OMA1: variants seen among roughly 807,000 people sequenced by gnomAD.
OMA1 encodes the protein metalloendopeptidase OMA1, mitochondrial.
In OMA1, 38 loss-of-function variants were observed where a neutral mutation model predicts 30.9. That is an observed-to-expected ratio of 1.23 (90% CI 0.95 to 1.61). OMA1 has a LOEUF of 1.61. OMA1 is among the 40% of genes most tolerant of loss of function. The pLI, the probability that OMA1 is intolerant of heterozygous loss-of-function variation, is 0.00. For synonymous variants in OMA1, 173 were observed against 121.9 expected, an observed-to-expected ratio of 1.42 and a Z score of -2.76; for missense variants, 461 against 349.2, an observed-to-expected ratio of 1.32 and a Z score of -2.55.
Position 58,503,211 on chromosome 1 carries a change from A to G in OMA1, c.1365+2849T>C, listed in dbSNP as rs540030065. Among the ~76,000 whole-genome samples, 8 of 152,326 alleles carry G rather than the reference A, an allele frequency of 5.3e-5. No individual in the cohort carries two copies. In the South Asian group the frequency reaches 1.7e-3, roughly 32 times the overall value. ...AAAATAAAAAGAAAAAAAATTCAAG[A>G]GAAAATCATATTGTTATCATTGCTT... On this transcript the variant is annotated intron_variant, in intron 8 of 8. Transcript: ENST00000371226.
intron 8 of OMA1, among the ~76,000 whole-genome samples, chr1:58,487,796 C>A (rs1645602045): frequency 6.6e-6 from 1 of 152,162 alleles, no homozygotes; most frequent in Non-Finnish European, 1.5e-5. Context: ...CCCCCCTCAA[C>A]ACACATATAC....
intron 6 of OMA1, among the ~76,000 whole-genome samples, chr1:58,528,034 G>A (rs1307801277): frequency 1.3e-5 from 2 of 152,298 alleles, no homozygotes; most frequent in African/African-American, 4.8e-5. Flanking sequence ...TATTAATTGG[G>A]GAAGCAATCT....
intron 8 of OMA1, among the ~76,000 whole-genome samples, chr1:58,500,906 A>C (rs981682255): frequency 6.6e-6 from 1 of 152,206 alleles, no homozygotes; most frequent in Non-Finnish European, 1.5e-5. Flanking sequence ...TCTTCATAGA[A>C]AAAAGTTAAA....
intron 1 of OMA1, among the ~76,000 whole-genome samples, chr1:58,542,253 A>G (rs1249900179): frequency 6.6e-6 from 1 of 152,198 alleles, no homozygotes; most frequent in East Asian, 1.9e-4. Context: ...CTTTGTTTTT[A>G]CTTTTTTGAA....
At chr1:58,511,930 A>G (rs1053860583) in intron 7 of OMA1, among the ~76,000 whole-genome samples, 1 of 152,186 alleles carries the variant, frequency 6.6e-6, no homozygotes, top group African/African-American at 2.4e-5. Context: ...TGGAACTACC[A>G]AAAAGCTCTG....
Position 58,545,177 on chromosome 1 carries a change from A to G in OMA1, c.-17+1526T>C, listed in dbSNP as rs76860912. Among the ~76,000 whole-genome samples the G allele has an allele frequency of 6.0e-3, 919 of 152,242 alleles. 11 individuals are homozygous for G. Among genetic ancestry groups the G allele is most frequent in the African/African-American group, 0.021 (884 of 41,530 alleles). The stretch of plus-strand genomic sequence containing the variant: ...CTGATTTACTTACACCCCACAGAAA[A>G]AGAAAGCTCTCATCTCTATGTCTAT... On this transcript the variant is annotated intron_variant, in intron 1 of 8. Transcript: ENST00000371226.
In OMA1 at chr1:58,518,349, A is replaced by AGAAGG. The variant is rs757786615; in HGVS notation, c.1215+8907_1215+8911dup. Among the ~76,000 whole-genome samples, 437 of 59,726 alleles carry AGAAGG rather than the reference A, an allele frequency of 7.3e-3. 44 individuals are homozygous for AGAAGG. Among genetic ancestry groups the AGAAGG allele is most frequent in the African/African-American group, 0.024 (371 of 15,404 alleles). 39.2% of individuals were successfully genotyped at this position (59,726 alleles called of 152,430 possible). A position where few individuals can be genotyped will look rare whatever the true frequency, so the allele number is the denominator to read the frequency against. The stretch of plus-strand genomic sequence containing the variant: ...AGAAGAGAAGAGAAGAGAAGAGAAG[A>AGAAGG]GAAGGGAAGGGAAGAGAAGAGAAGG... On this transcript the variant is annotated intron_variant, in intron 7 of 8. Coordinates refer to ENST00000371226, the MANE Select transcript of OMA1 (RefSeq NM_145243.5).
At chr1:58,497,779 G>C (rs1024331231) in intron 8 of OMA1, among the ~76,000 whole-genome samples, 4 of 152,114 alleles carry the variant, frequency 2.6e-5, no homozygotes, top group African/African-American at 7.2e-5. Flanking sequence ...CCTTACCCTT[G>C]CTCACTGCTT....
chr1:58,543,459 T>C (rs761413441), intron 1 of OMA1, among the ~76,000 whole-genome samples: 3 of 152,148 alleles, frequency 2.0e-5, no homozygotes, highest in Admixed American at 6.5e-5. Flanking sequence ...ACCTCCTTCT[T>C]ATCTCATTCT....
At chr1:58,505,237 A>C (rs1017680387) in intron 8 of OMA1, among the ~76,000 whole-genome samples, 3 of 152,158 alleles carry the variant, frequency 2.0e-5, no homozygotes, top group African/African-American at 7.2e-5. Flanking sequence ...CAGGCATGAG[A>C]AAGATACTTC....
At position 58,538,730 on chromosome 1, in the gene OMA1, C is replaced by T. The variant is rs182007350; in HGVS notation, c.500+65G>A. The T allele has an allele frequency of 1.2e-3, 785 of 679,096 alleles. 3 individuals carry two copies. The highest frequency in any genetic ancestry group is 4.0e-3 in the African/African-American group (224 of 55,692). 42.1% of individuals were successfully genotyped at this position (679,096 alleles called of 1,614,324 possible). A position where few individuals can be genotyped will look rare whatever the true frequency, so the allele number is the denominator to read the frequency against. On this transcript the variant is annotated intron_variant, in intron 2 of 8. Transcript: ENST00000371226. ...AAAAATTAATTTCTAAAAGTTAATA[C>T]GTTAGCACAAAATATTAATGCAAAA...
rs1646522547 is a variant in OMA1, at chr1:58,536,746, A to C, written c.501-5T>G. ...TGCCACCATTTCCTTATGCCCCTAA[A>C]GCAAAAAGAAAAATTCAAAGTTCTG... On this transcript the variant is annotated splice_polypyrimidine_tract_variant and splice_region_variant and intron_variant, in intron 2 of 8. Transcript: ENST00000371226. The C allele has an allele frequency of 2.3e-6, 2 of 867,252 alleles. No homozygotes were observed. The highest frequency in any genetic ancestry group is 4.0e-6 in the Non-Finnish European group (2 of 499,948). 53.7% of individuals were successfully genotyped at this position (867,252 alleles called of 1,614,324 possible). A position where few individuals can be genotyped will look rare whatever the true frequency, so the allele number is the denominator to read the frequency against.
intron 8 of OMA1, among the ~76,000 whole-genome samples, chr1:58,486,563 C>T (rs1442808442): frequency 2.0e-5 from 3 of 152,172 alleles, no homozygotes; most frequent in East Asian, 1.9e-4. Context: ...ATTCACTAAT[C>T]ATCTCAACTT....
chr1:58,542,966 AG>A (rs1488207142), intron 1 of OMA1, among the ~76,000 whole-genome samples: 1 of 142,244 alleles, frequency 7.0e-6, no homozygotes, highest in African/African-American at 2.6e-5. Flanking sequence ...TATGAAAGCA[AG>A]AACTACAAAC....
intron 6 of OMA1, 63 bp from the exon 7 acceptor site, chr1:58,527,398 CAG>C (rs1421093224): frequency 2.0e-5 from 16 of 811,064 alleles, no homozygotes; most frequent in Middle Eastern, 2.3e-4. Context: ...AGGAGTAACA[CAG>C]AGAGATTTTT....
intron 8 of OMA1, among the ~76,000 whole-genome samples, chr1:58,488,653 T>C (rs1330465812): frequency 2.0e-5 from 3 of 152,200 alleles, no homozygotes; most frequent in African/African-American, 7.2e-5. Flanking sequence ...GGTTTCTCCA[T>C]GTTGGTCAGG....
intron 2 of OMA1, among the ~76,000 whole-genome samples, 171 bp from the exon 3 acceptor site, chr1:58,536,912 AAT>A (rs1359672016): frequency 6.6e-6 from 1 of 152,182 alleles, no homozygotes; most frequent in Non-Finnish European, 1.5e-5. Context: ...ATGATGAAAA[AAT>A]AATCAATGAT....
chr1:58,502,196 A>G (rs947420723), intron 8 of OMA1, among the ~76,000 whole-genome samples: 2 of 152,242 alleles, frequency 1.3e-5, no homozygotes, highest in Admixed American at 1.3e-4. Flanking sequence ...TCAATAAGCT[A>G]AAGTTTAAAA....
rs1192423494 is a variant in OMA1 at position 58,518,284 on chromosome 1, A to G, written c.1215+8977T>C. Among the ~76,000 whole-genome samples, 75 of 13,060 alleles carry G rather than the reference A, an allele frequency of 5.7e-3. 9 individuals are homozygous for G. Among genetic ancestry groups the G allele is most frequent in the Middle Eastern group, 0.071 (2 of 28 alleles). The allele number at this position is 13,060 out of a possible 152,430, so 8.6% of individuals were successfully genotyped here. On this transcript the variant is annotated intron_variant, in intron 7 of 8. Transcript: ENST00000371226. ...GGGAGAGGAGAGAGGAGAGGAGAAG[A>G]GAAGAGAAGAGAAGAGAAGAGAAGA...
Sources: gnomAD v4.1 joint callset for allele counts (sites outside exome capture counted in the v4.1 genomes callset) on GRCh38, gnomAD v4.1.1 for gene constraint, MANE v1.5 for transcripts, NCBI Gene and HGNC (gene_info 2026-07-23, HGNC 2026-07-21) for gene names.